Variants in ITGAD observed in about 807,000 individuals in gnomAD.
The protein encoded by ITGAD is integrin alpha-D.
In ITGAD, 105 loss-of-function variants were observed where a neutral mutation model predicts 139.0. The observed-to-expected ratio is 0.76, with a 90% CI of 0.65 to 0.89. The LOEUF (loss-of-function observed/expected upper bound fraction) is 0.89. ITGAD is among the 40% of genes least tolerant of loss of function. The pLI is 0.00. For missense variants in ITGAD, 1,384 were observed against 1,487.3 expected (o/e 0.93, Z 1.14); for synonymous variants, 569 against 598.3 (o/e 0.95, Z 0.71).
chr16:31,411,567 G>A, intron 14 of ITGAD, 50 bp downstream of exon 14: 3 of 1,578,790 alleles, frequency 1.9e-6, no homozygotes, highest in Admixed American at 1.7e-5. Context: ...CCCATGTCCT[G>A]AGTTCACTGA....
chr16:31,402,373 A>G, intron 6 of ITGAD, 128 bp downstream of exon 6: 1 of 859,968 alleles, frequency 1.2e-6, no homozygotes, highest in Non-Finnish European at 1.8e-6. Context: ...GAATGAAGCT[A>G]TGGTCCCAGC....
In ITGAD at chr16:31,397,789, C is replaced by T. The variant is rs751606507; in HGVS notation, c.313-6C>T. On this transcript the variant is annotated splice_region_variant and splice_polypyrimidine_tract_variant and intron_variant, in intron 4 of 29. Coordinates refer to ENST00000389202, the MANE Select transcript of ITGAD (RefSeq NM_005353.3). ...GGACTCCTGGCTCACAGGCTTCTGC[C>T]TCCAGGCCTGTGGCCCGACCCTGCA... 6.2e-6 allele frequency: 10 copies of T among 1,610,444 alleles called. No homozygotes were observed. The highest frequency in any genetic ancestry group is 8.5e-6 in the Non-Finnish European group (10 of 1,177,536).
At chr16:31,408,381 G>C in intron 9 of ITGAD, 44 bp from the exon 10 acceptor site, 1 of 1,532,798 alleles carries the variant, frequency 6.5e-7, no homozygotes, top group Admixed American at 1.7e-5. Flanking sequence ...AGTCCTCATG[G>C]GTCTCATGGC....
Position 31,414,880 on chromosome 16 carries a change from G to A in ITGAD, c.2172G>A (p.Val724=). The part of the protein sequence containing the change: ...LLLPDCVEDV[V]SPIILHLNFS... ...CTCAGGATTGTGTGGAGGATGTGGT[G>A]AGCCCCATCATTCTGCACCTCAACT... The change falls in exon 18 of 30, where the codon GTG becomes GTA. Residue 724 remains valine (V), a synonymous_variant. Coordinates refer to ENST00000389202, the MANE Select transcript of ITGAD (RefSeq NM_005353.3). 1 of 1,614,026 alleles carries A rather than the reference G, an allele frequency of 6.2e-7. No individual in the cohort carries two copies. Among genetic ancestry groups the A allele is most frequent in the Non-Finnish European group, 8.5e-7 (1 of 1,179,990 alleles).
At chr16:31,407,950 G>A (rs762183990) in intron 9 of ITGAD, 34 bp downstream of exon 9, 2 of 1,542,498 alleles carry the variant, frequency 1.3e-6, no homozygotes, top group Admixed American at 1.9e-5. Flanking sequence ...TGGGAGCCAA[G>A]GGGTCCCCAC....
rs1597154894 is a variant in ITGAD, at chr16:31,418,079, A to G, written c.2504A>G (p.Gln835Arg). The change falls in exon 21 of 30, where the codon CAG (glutamine) becomes CGG (arginine). Residue 835 changes from glutamine to arginine, a missense_variant. By Grantham distance (43) the Gln-to-Arg change is conservative. Transcript: ENST00000389202. ...AAATTCATTCTCCTCCCCTAGAAGCAGCCCCATCAGAGTGCCCTGCGCCTG... is the reference window on the plus strand; with the variant it reads ...AAATTCATTCTCCTCCCCTAGAAGCGGCCCCATCAGAGTGCCCTGCGCCTG... ...SHRRVSGAQK[Q>R]PHQSALRLAC... is the part of the protein sequence containing the mutation. 6.2e-7 allele frequency: 1 copy of G among 1,613,908 alleles called. No homozygotes were observed. The highest frequency in any genetic ancestry group is 8.5e-7 in the Non-Finnish European group (1 of 1,179,800).
chr16:31,423,048 C>T (rs2082037153), intron 23 of ITGAD, 66 bp from the exon 24 acceptor site: 2 of 1,231,298 alleles, frequency 1.6e-6, no homozygotes, highest in Non-Finnish European at 2.4e-6. Flanking sequence ...GAGCTCTCTG[C>T]AGTAGGACAG....
In ITGAD at chr16:31,407,572, T is replaced by A. The variant is rs939289913; in HGVS notation, c.762T>A (p.Ile254=). ...GARKSAKKIL[I]VITDGQKYKD... The stretch of plus-strand genomic sequence containing the variant: ...GAAAAAGTGCCAAGAAGATCCTCAT[T>A]GTCATCACAGATGGGCAGAAGTACA... Residue 254 remains isoleucine, a synonymous_variant, in exon 8 of 30, where the codon ATT becomes ATA. Transcript: ENST00000389202. 6.2e-7 allele frequency: 1 copy of A among 1,612,014 alleles called. No homozygotes were observed. The highest frequency in any genetic ancestry group is 2.2e-5 in the East Asian group (1 of 44,886).
chr16:31,423,627 G>A lies in ITGAD; in HGVS notation c.3024G>A (p.Gln1008=), dbSNP rs886490565. Reference sequence around the variant, plus strand: ...CCCAGCATTCTGACTTCCTGACCCAGATTTCAAGAAGTCCCATGCTGGTGA... The same window carrying A: ...CCCAGCATTCTGACTTCCTGACCCAAATTTCAAGAAGTCCCATGCTGGTGA... ...KPPQHSDFLT[Q]ISRSPMLDCS... is the part of the protein sequence containing the mutation. Residue 1008 remains glutamine, a synonymous_variant, in exon 26 of 30, where the codon CAG becomes CAA. Transcript: ENST00000389202. The A allele has an allele frequency of 8.7e-6, 14 of 1,613,944 alleles. No individual in the cohort carries two copies. The highest frequency in any genetic ancestry group is 1.1e-5 in the Non-Finnish European group (13 of 1,179,998).
chr16:31,413,202 C>T lies in ITGAD; in HGVS notation c.1952C>T (p.Ala651Val). 1 of 1,614,156 alleles carries T rather than the reference C, an allele frequency of 6.2e-7. No individual in the cohort carries two copies. Among genetic ancestry groups the T allele is most frequent in the Non-Finnish European group, 8.5e-7 (1 of 1,180,018 alleles). ...EKPSALEAGDATVCLTIQKSS... is the reference protein window; with the variant it reads ...EKPSALEAGDVTVCLTIQKSS... ...CCCAGTGCCCTGGAAGCTGGGGACG[C>T]CACCGTCTGTCTCACCATCCAGAAA... The change falls in exon 16 of 30, where the codon GCC becomes GTC. Residue 651 changes from alanine to valine, a missense_variant. Ala to Val is a moderately conservative substitution (Grantham distance 64, BLOSUM62 0). Coordinates refer to ENST00000389202, the MANE Select transcript of ITGAD (RefSeq NM_005353.3).
Position 31,403,136 on chromosome 16 carries a change from G to A in ITGAD, c.559-364G>A, listed in dbSNP as rs1412300773. The stretch of plus-strand genomic sequence containing the variant: ...TAGGGCTTCAAAACACATGGGAAAT[G>A]GTTTGTAAATCCAAAATAATTCCAA... On this transcript the variant is annotated intron_variant, in intron 6 of 29. Coordinates refer to ENST00000389202, the MANE Select transcript of ITGAD (RefSeq NM_005353.3). This position sits in a 1 kb window ranked among gnomAD's most constrained non-coding sequence, Gnocchi z 4.4. The A allele has an allele frequency of 6.2e-6, 1 of 160,584 alleles. No homozygotes were observed. Among genetic ancestry groups the A allele is most frequent in the Non-Finnish European group, 1.4e-5 (1 of 73,470 alleles). 9.9% of individuals were successfully genotyped at this position (160,584 alleles called of 1,614,324 possible). A position where few individuals can be genotyped will look rare whatever the true frequency, so the allele number is the denominator to read the frequency against.
chr16:31,394,826 C>A (rs1044637176), intron 2 of ITGAD, among the ~76,000 whole-genome samples: 1 of 152,194 alleles, frequency 6.6e-6, no homozygotes, highest in African/African-American at 2.4e-5. Flanking sequence ...TGCATGCCAT[C>A]ATGCCTGTTT....
chr16:31,423,291 G>C, intron 24 of ITGAD, 61 bp from the exon 25 acceptor site: 3 of 1,583,440 alleles, frequency 1.9e-6, no homozygotes, highest in Middle Eastern at 3.3e-4. Flanking sequence ...AGGGCCAGGA[G>C]GGAAGTAGGA....
At position 31,397,563 on chromosome 16, in the gene ITGAD, TGTGA is replaced by T; in HGVS notation, c.242-27_242-24del. ...ACCTTCCCCGCAAATGAGTGTGTGC[TGTGA>T]GTGAGACCCCGCGTGTCTGCCCTTG... On this transcript the variant is annotated intron_variant, in intron 3 of 29. Coordinates refer to ENST00000389202, the MANE Select transcript of ITGAD (RefSeq NM_005353.3). The T allele has an allele frequency of 1.9e-6, 3 of 1,605,240 alleles. No individual in the cohort carries two copies. In the South Asian group the frequency reaches 3.3e-5, roughly 18 times the overall value.
intron 23 of ITGAD, among the ~76,000 whole-genome samples, chr16:31,422,675 A>C (rs919259238): frequency 2.6e-5 from 4 of 152,024 alleles, no homozygotes; most frequent in Admixed American, 2.6e-4. Context: ...TTTAAGTGTA[A>C]ATTTCCAAAA....
chr16:31,423,506 C>T (rs759579265), intron 25 of ITGAD, 47 bp downstream of exon 25: 2 of 1,600,206 alleles, frequency 1.2e-6, no homozygotes, highest in South Asian at 2.2e-5. Flanking sequence ...TCCCACAGCA[C>T]AGCACTCCCT....
At chr16:31,399,072 C>T (rs1194387521) in intron 5 of ITGAD, among the ~76,000 whole-genome samples, 10 of 152,214 alleles carry the variant, frequency 6.6e-5, no homozygotes, top group Non-Finnish European at 1.5e-4. Context: ...GTGCCCATGT[C>T]TTCCACAGAG....
intron 5 of ITGAD, 25 bp from the exon 6 acceptor site, chr16:31,402,090 C>G: frequency 1.9e-6 from 3 of 1,609,896 alleles, no homozygotes; most frequent in Non-Finnish European, 2.5e-6. Flanking sequence ...CAGTGCATCT[C>G]CGATTCCTCC....
chr16:31,425,323 G>A (rs991447655), intron 29 of ITGAD, among the ~76,000 whole-genome samples: 5 of 152,054 alleles, frequency 3.3e-5, no homozygotes, highest in Admixed American at 6.6e-5. Context: ...CGCCCACCTC[G>A]GCCTCCCAAA....
Sources: gnomAD v4.1 joint callset for allele counts (sites outside exome capture counted in the v4.1 genomes callset) on GRCh38, gnomAD v4.1.1 for gene constraint, Gnocchi (gnomAD v3.1) non-coding constraint, MANE v1.5 for transcripts, NCBI Gene and HGNC (gene_info 2026-07-23, HGNC 2026-07-21) for gene names.